PLEKHB2: variants seen among roughly 807,000 people sequenced by gnomAD.
PLEKHB2 encodes pleckstrin homology domain containing B2.
Under a neutral mutation model 36.5 loss-of-function variants are expected in PLEKHB2, and 31 were observed. The observed-to-expected ratio is 0.85, with a 90% confidence interval of 0.64 to 1.15. The LOEUF is 1.15. PLEKHB2 is among the 50% of genes most tolerant of loss of function. The pLI is 0.00. For missense variants in PLEKHB2, 262 were observed against 295.3 expected (o/e 0.89, Z 0.83); for synonymous variants, 119 against 112.0 (o/e 1.06, Z -0.39).
At chr2:131,128,925 A>G (rs1416462051) in intron 4 of PLEKHB2, among the ~76,000 whole-genome samples, 2 of 152,352 alleles carry the variant, frequency 1.3e-5, no homozygotes, top group Non-Finnish European at 2.9e-5. Context: ...TATATAAGAT[A>G]TATGAATAAT....
intron 6 of PLEKHB2, among the ~76,000 whole-genome samples, chr2:131,137,995 C>G (rs1453321121): frequency 6.7e-6 from 1 of 149,600 alleles, no homozygotes; most frequent in Non-Finnish European, 1.5e-5. Context: ...CTGTTAGTCT[C>G]ATGTGTCCCA....
Position 131,147,879 on chromosome 2 carries a change from CTGTT to C in PLEKHB2, c.*1109_*1112del, listed in dbSNP as rs1365512248. ...GGCAGATTTGCTTTATTCCAAGAGG[CTGTT>C]TGAGTGTGTGTCTGCCTAAGCCTCC... On this transcript the variant is annotated 3_prime_UTR_variant, in exon 8 of 8. Transcript: ENST00000693505. The C allele has an allele frequency of 6.6e-6, 1 of 151,880 alleles. No individual in the cohort carries two copies. Among genetic ancestry groups the C allele is most frequent in the East Asian group, 1.9e-4 (1 of 5,186 alleles). The allele number at this position is 151,880 out of a possible 1,614,324, so 9.4% of individuals were successfully genotyped here.
chr2:131,126,940 T>C, intron 4 of PLEKHB2, 154 bp downstream of exon 4: 1 of 593,468 alleles, frequency 1.7e-6, no homozygotes, highest in Non-Finnish European at 3.0e-6. Flanking sequence ...GAGTCGCTTT[T>C]CCAATTCTAG....
intron 4 of PLEKHB2, among the ~76,000 whole-genome samples, chr2:131,127,957 T>C (rs1255922305): frequency 1.3e-5 from 2 of 151,944 alleles, no homozygotes; most frequent in African/African-American, 4.8e-5. Flanking sequence ...CTCACAGGAG[T>C]TGGGTAATTT....
At chr2:131,106,258 T>C (rs1188207306) in intron 1 of PLEKHB2, among the ~76,000 whole-genome samples, 1 of 152,074 alleles carries the variant, frequency 6.6e-6, no homozygotes, top group Non-Finnish European at 1.5e-5. Context: ...TTCAAAATAA[T>C]ACTGACTCAT....
intron 2 of PLEKHB2, among the ~76,000 whole-genome samples, chr2:131,124,277 T>C (rs1325838290): frequency 3.3e-5 from 5 of 152,142 alleles, no homozygotes; most frequent in Non-Finnish European, 7.3e-5. Context: ...GAAAGCCGAA[T>C]GGCGCATATC....
At chr2:131,128,010 A>G (rs890826890) in intron 4 of PLEKHB2, among the ~76,000 whole-genome samples, 10 of 152,210 alleles carry the variant, frequency 6.6e-5, no homozygotes, top group African/African-American at 2.2e-4. Flanking sequence ...ATTCAAAGGA[A>G]TATGCTCAGA....
chr2:131,141,762 TCTTGGAAA>T (rs1435596257), intron 7 of PLEKHB2, among the ~76,000 whole-genome samples: 22 of 152,334 alleles, frequency 1.4e-4, no homozygotes, highest in Admixed American at 5.9e-4. Context: ...AACAGTAGAT[TCTTGGAAA>T]CTGTTACTTT....
intron 1 of PLEKHB2, among the ~76,000 whole-genome samples, chr2:131,116,830 T>C (rs1309164118): frequency 6.6e-6 from 1 of 152,194 alleles, no homozygotes; most frequent in Non-Finnish European, 1.5e-5. Flanking sequence ...AAAAGTCTCT[T>C]TTAACTCTTT....
intron 6 of PLEKHB2, among the ~76,000 whole-genome samples, chr2:131,134,001 G>A (rs1272871696): frequency 6.6e-6 from 1 of 150,634 alleles, no homozygotes; most frequent in Non-Finnish European, 1.5e-5. Context: ...CTGGGTTCTC[G>A]GCATTCTCCT....
Position 131,115,472 on chromosome 2 carries a change from G to A in PLEKHB2, c.-8-5462G>A, listed in dbSNP as rs551119638. Among the ~76,000 whole-genome samples, 3 of 143,586 alleles carry A rather than the reference G, an allele frequency of 2.1e-5. No individual in the cohort carries two copies. The South Asian group carries it at 6.8e-4, about 33-fold the overall frequency. The allele number at this position is 143,586 out of a possible 152,430, so 94.2% of individuals were successfully genotyped here. On this transcript the variant is annotated intron_variant, in intron 1 of 7. Coordinates refer to ENST00000693505, the MANE Select transcript of PLEKHB2 (RefSeq NM_001100623.2). ...GGGATCAAGTGATTCTTCTGCCTCAGCCTCCCGAGTAGCTGGGACTACAGG... is the reference window on the plus strand; with the variant it reads ...GGGATCAAGTGATTCTTCTGCCTCAACCTCCCGAGTAGCTGGGACTACAGG...
chr2:131,143,255 TGAG>T (rs1184237007), intron 7 of PLEKHB2, among the ~76,000 whole-genome samples: 1 of 152,236 alleles, frequency 6.6e-6, no homozygotes, highest in African/African-American at 2.4e-5. Flanking sequence ...CATTGTAAGT[TGAG>T]GAGCATCTCT....
intron 1 of PLEKHB2, among the ~76,000 whole-genome samples, chr2:131,106,415 A>C (rs534714181): frequency 1.3e-5 from 2 of 152,126 alleles, no homozygotes; most frequent in African/African-American, 4.8e-5. Context: ...ACTTGTCCGA[A>C]GTCACATGAG....
intron 7 of PLEKHB2, among the ~76,000 whole-genome samples, chr2:131,141,101 A>G (rs1698736802): frequency 6.6e-6 from 1 of 152,184 alleles, no homozygotes; most frequent in Non-Finnish European, 1.5e-5. Context: ...TGGGTCACTA[A>G]TAGTGGTGCC....
chr2:131,107,110 C>A (rs1694818000), intron 1 of PLEKHB2, among the ~76,000 whole-genome samples: 1 of 152,162 alleles, frequency 6.6e-6, no homozygotes, highest in Non-Finnish European at 1.5e-5. Context: ...ATTTTTGTTT[C>A]TCCTTTCCTC....
chr2:131,124,580 A>G (rs1031101720), intron 2 of PLEKHB2, among the ~76,000 whole-genome samples: 8 of 152,182 alleles, frequency 5.3e-5, no homozygotes, highest in African/African-American at 1.9e-4. Flanking sequence ...GAAAGGTTGA[A>G]TTTGCTCAAG....
At chr2:131,116,027 T>G (rs1034587682) in intron 1 of PLEKHB2, among the ~76,000 whole-genome samples, 1 of 152,218 alleles carries the variant, frequency 6.6e-6, no homozygotes, top group African/African-American at 2.4e-5. Flanking sequence ...TGACATAAGA[T>G]AAGAAGCTAC....
intron 5 of PLEKHB2, among the ~76,000 whole-genome samples, chr2:131,132,575 T>C (rs1462572819): frequency 6.6e-6 from 1 of 151,982 alleles, no homozygotes; most frequent in African/African-American, 2.4e-5. Context: ...GTTGGGATTA[T>C]AGGTGTGAGC....
At chr2:131,130,848 TCAC>T in intron 5 of PLEKHB2, 88 bp downstream of exon 5, 1 of 909,486 alleles carries the variant, frequency 1.1e-6, no homozygotes, top group Non-Finnish European at 1.8e-6. Flanking sequence ...TGGTGCTGTC[TCAC>T]CTCACTGCAG....
Sources: gnomAD v4.1 joint callset for allele counts (sites outside exome capture counted in the v4.1 genomes callset) on GRCh38, gnomAD v4.1.1 for gene constraint, MANE v1.5 for transcripts, NCBI Gene and HGNC (gene_info 2026-07-23, HGNC 2026-07-21) for gene names.